Variants in SLC4A5 observed in about 807,000 individuals in gnomAD.
SLC4A5 encodes the protein electrogenic sodium bicarbonate cotransporter 4.
Under a neutral mutation model 120.4 loss-of-function variants are expected in SLC4A5, and 96 were observed. That is an observed-to-expected ratio of 0.80 (90% CI 0.68 to 0.94). The LOEUF (loss-of-function observed/expected upper bound fraction) is 0.94, where lower values mean the gene tolerates loss of function less well. SLC4A5 is among the 40% of genes least tolerant of loss of function. The pLI is 0.00. For synonymous variants in SLC4A5, 550 were observed against 571.1 expected, an observed-to-expected ratio of 0.96 and a Z score of 0.53; for missense variants, 1,259 against 1,459.5, an observed-to-expected ratio of 0.86 and a Z score of 2.24.
At chr2:74,300,316 A>G (rs1374986555) in intron 7 of SLC4A5, among the ~76,000 whole-genome samples, 1 of 152,254 alleles carries the variant, frequency 6.6e-6, no homozygotes, top group African/African-American at 2.4e-5. Flanking sequence ...AAATTTGCTT[A>G]GAGAGATCTT....
chr2:74,295,575 A>G (rs1021066639), intron 7 of SLC4A5, among the ~76,000 whole-genome samples: 3 of 152,220 alleles, frequency 2.0e-5, no homozygotes, highest in African/African-American at 7.2e-5. Context: ...CAGAGGTTGC[A>G]GTGAGCAGAG....
At chr2:74,305,494 G>A (rs1672613294) in intron 6 of SLC4A5, among the ~76,000 whole-genome samples, 1 of 151,902 alleles carries the variant, frequency 6.6e-6, no homozygotes, top group African/African-American at 2.4e-5. Flanking sequence ...ACATTAGTGT[G>A]GTGCATTTGT....
chr2:74,296,616 C>CAAAAAAAAAA (rs1160532512), intron 7 of SLC4A5, among the ~76,000 whole-genome samples: 8 of 47,348 alleles, frequency 1.7e-4, no homozygotes, highest in East Asian at 5.9e-4. Context: ...ACTAAAAATA[C>CAAAAAAAAAA]AAAAAAAAAA....
Position 74,285,913 on chromosome 2 carries a change from G to A in SLC4A5, c.272-11C>T, listed in dbSNP as rs1451041634. 1.9e-6 allele frequency: 3 copies of A among 1,582,518 alleles called. No homozygotes were observed. The highest frequency in any genetic ancestry group is 2.3e-5 in the East Asian group (1 of 43,044). ...CAGCAGCTGGGGACCCTGCAAAAGA[G>A]GGGCAGCAGGTCTGCTGAGTGTCCC... On this transcript the variant is annotated splice_polypyrimidine_tract_variant and intron_variant, in intron 7 of 30. Transcript: ENST00000394019.
intron 11 of SLC4A5, 82 bp downstream of exon 11, chr2:74,262,055 C>G: frequency 7.7e-7 from 1 of 1,300,810 alleles, no homozygotes; most frequent in Non-Finnish European, 1.1e-6. Context: ...GGCTTTGTCT[C>G]CCCCACCTAT....
At chr2:74,266,111 A>C (rs910731497) in intron 8 of SLC4A5, among the ~76,000 whole-genome samples, 1 of 152,202 alleles carries the variant, frequency 6.6e-6, no homozygotes, top group Admixed American at 6.5e-5. Flanking sequence ...AATGGTGAGG[A>C]AAGTTCAAAA....
intron 7 of SLC4A5, among the ~76,000 whole-genome samples, chr2:74,287,851 C>G (rs939082241): frequency 6.6e-6 from 1 of 152,162 alleles, no homozygotes; most frequent in Non-Finnish European, 1.5e-5. Context: ...AGCCTAGAAA[C>G]AGCTCTTCCT....
intron 6 of SLC4A5, chr2:74,307,115 A>G: frequency 1.8e-6 from 1 of 552,040 alleles, no homozygotes; most frequent in Non-Finnish European, 3.4e-6. Context: ...ACTGGACTGT[A>G]CGTCTCAGTT....
At chr2:74,340,934 A>G (rs1261595932) in intron 2 of SLC4A5, among the ~76,000 whole-genome samples, 1 of 151,892 alleles carries the variant, frequency 6.6e-6, no homozygotes, top group Non-Finnish European at 1.5e-5. Context: ...TGAGACTGAG[A>G]CCAAGGGTGG....
At chr2:74,246,964 G>C (rs750190077) in intron 19 of SLC4A5, 72 bp downstream of exon 19, 31 of 1,561,404 alleles carry the variant, frequency 2.0e-5, no homozygotes, top group Non-Finnish European at 2.6e-5. Context: ...TAGAAGTAGA[G>C]AGCTGTGGTG....
At position 74,270,400 on chromosome 2, in the gene SLC4A5, G is replaced by A. The variant is rs574473915; in HGVS notation, c.402-5136C>T. 5.3e-5 allele frequency among the ~76,000 whole-genome samples: 8 copies of A among 152,282 alleles called. No homozygotes were observed. The East Asian group carries it at 5.8e-4, about 11-fold the overall frequency. On this transcript the variant is annotated intron_variant, in intron 8 of 30. Transcript: ENST00000394019. ...AAAATACCAATGCCTGGGGCTGGGC[G>A]CGGTGGCTCATGCCTGTAATCCCAG... is the stretch of plus-strand genomic sequence containing the variant.
chr2:74,227,963 A>G, intron 25 of SLC4A5, 85 bp from the exon 26 acceptor site: 1 of 963,480 alleles, frequency 1.0e-6, no homozygotes, highest in Non-Finnish European at 1.5e-6. Flanking sequence ...GCTCCTGACC[A>G]CAGAGGCAGC....
At chr2:74,330,633 AGGTGGTGAGGTCTAGATGGG>A (rs1558917417) in intron 4 of SLC4A5, among the ~76,000 whole-genome samples, 3 of 122,218 alleles carry the variant, frequency 2.5e-5, no homozygotes, top group African/African-American at 1.0e-4. Context: ...TGTCAGATGG[AGGTGGTGAGGTCTAGATGGG>A]GGTGGTGAGG....
chr2:74,285,661 G>A, intron 8 of SLC4A5, 112 bp downstream of exon 8: 1 of 1,327,294 alleles, frequency 7.5e-7, no homozygotes. Flanking sequence ...GAGGGTCTTT[G>A]TGGACCAGGA....
intron 7 of SLC4A5, among the ~76,000 whole-genome samples, chr2:74,302,557 T>C (rs1672504736): frequency 1.3e-5 from 2 of 152,166 alleles, no homozygotes; most frequent in Non-Finnish European, 2.9e-5. Flanking sequence ...GCAGAGGTTG[T>C]AGTGAGCCGA....
At chr2:74,275,095 T>C (rs983201927) in intron 8 of SLC4A5, among the ~76,000 whole-genome samples, 1 of 152,142 alleles carries the variant, frequency 6.6e-6, no homozygotes, top group Admixed American at 6.5e-5. Flanking sequence ...CTGAGGGCCT[T>C]TGGTGATGCA....
At chr2:74,322,440 A>G (rs1673120301) in intron 5 of SLC4A5, among the ~76,000 whole-genome samples, 1 of 152,210 alleles carries the variant, frequency 6.6e-6, no homozygotes, top group Non-Finnish European at 1.5e-5. Context: ...AGTTACATTT[A>G]TAAGTAATAA....
At chr2:74,314,895 A>C in intron 6 of SLC4A5, 50 bp downstream of exon 6, 1 of 1,523,120 alleles carries the variant, frequency 6.6e-7, no homozygotes, top group Non-Finnish European at 9.1e-7. Flanking sequence ...ACATTCAGAG[A>C]ATTCTCAGTG....
exon 9 of SLC4A5, chr2:74,265,108 G>C: frequency 1.2e-6 from 2 of 1,613,494 alleles, no homozygotes; most frequent in African/African-American, 1.3e-5. Context: ...CCTCACCTAT[G>C]ATCTGTGGTA....
Sources: gnomAD v4.1 joint callset for allele counts (sites outside exome capture counted in the v4.1 genomes callset) on GRCh38, gnomAD v4.1.1 for gene constraint, MANE v1.5 for transcripts, NCBI Gene and HGNC (gene_info 2026-07-23, HGNC 2026-07-21) for gene names.